PTPRN2: variants seen among roughly 807,000 people sequenced by gnomAD.
PTPRN2 encodes receptor-type tyrosine-protein phosphatase N2.
PTPRN2 carries 74 observed loss-of-function variants against 118.8 expected under a neutral mutation model. The observed-to-expected ratio is 0.62, with a 90% CI of 0.52 to 0.76. The LOEUF is 0.76. Among genes scored for constraint, PTPRN2 ranks in the 30% least tolerant of loss-of-function variants. PTPRN2 has a pLI of 0.00. For missense variants in PTPRN2, 1,481 were observed against 1,394.4 expected (o/e 1.06, Z -0.99); for synonymous variants, 641 against 608.0 (o/e 1.05, Z -0.80).
At chr7:158,361,689 G>A (rs1459492740) in intron 2 of PTPRN2, among the ~76,000 whole-genome samples, 7 of 152,154 alleles carry the variant, frequency 4.6e-5, no homozygotes, top group Non-Finnish European at 8.8e-5. Flanking sequence ...GGGCACTCCC[G>A]GACCCTCCTG....
chr7:157,761,772 C>A (rs1197396074), intron 12 of PTPRN2, among the ~76,000 whole-genome samples: 2 of 149,444 alleles, frequency 1.3e-5, no homozygotes, highest in Admixed American at 6.6e-5. Flanking sequence ...AACTAAAGAG[C>A]TTCTGCACAG....
intron 12 of PTPRN2, among the ~76,000 whole-genome samples, chr7:157,727,690 G>T (rs1799676811): frequency 6.6e-6 from 1 of 152,202 alleles, no homozygotes; most frequent in Non-Finnish European, 1.5e-5. Context: ...TTTCTGTTTT[G>T]TGTCGTTTAC....
At chr7:157,901,579 A>G (rs1051176751) in intron 11 of PTPRN2, among the ~76,000 whole-genome samples, 1 of 152,204 alleles carries the variant, frequency 6.6e-6, no homozygotes, top group South Asian at 2.1e-4. Flanking sequence ...TTATCATTCA[A>G]TGTTTCACAA....
chr7:158,282,488 G>A (rs76785213), intron 3 of PTPRN2, among the ~76,000 whole-genome samples: 3,086 of 152,326 alleles, frequency 0.02, 72 homozygotes, highest in South Asian at 0.095. Context: ...CCAGGAAGCC[G>A]CGGGCAGAGC....
intron 12 of PTPRN2, among the ~76,000 whole-genome samples, chr7:157,704,567 C>T (rs1428327078): frequency 6.6e-6 from 1 of 152,214 alleles, no homozygotes; most frequent in East Asian, 1.9e-4. Context: ...TGCTCCCGCT[C>T]TCCTGGGCAC....
chr7:158,494,379 C>T (rs1821678267), intron 1 of PTPRN2, among the ~76,000 whole-genome samples: 2 of 152,380 alleles, frequency 1.3e-5, no homozygotes, highest in Admixed American at 1.3e-4. Flanking sequence ...CAGAGAAAGG[C>T]TGTCATCAGC....
chr7:158,123,367 TACAGACACCACGGTG>T (rs1817332492), intron 9 of PTPRN2, among the ~76,000 whole-genome samples: 1 of 152,194 alleles, frequency 6.6e-6, no homozygotes, highest in South Asian at 2.1e-4. Flanking sequence ...CACAGTATCC[TACAGACACCACGGTG>T]ACCGACGCCA....
At chr7:158,340,360 A>G (rs1563173847) in intron 2 of PTPRN2, among the ~76,000 whole-genome samples, 2 of 91,244 alleles carry the variant, frequency 2.2e-5, no homozygotes, top group Non-Finnish European at 2.3e-5. Flanking sequence ...GCTGAGGCCC[A>G]CAGAGGTCAC....
At chr7:158,096,416 G>A (rs1241152367) in intron 10 of PTPRN2, among the ~76,000 whole-genome samples, 1 of 152,178 alleles carries the variant, frequency 6.6e-6, no homozygotes, top group African/African-American at 2.4e-5. Flanking sequence ...AGGAAACAAG[G>A]CTCCACCAAT....
At chr7:158,400,779 T>C (rs924402866) in intron 2 of PTPRN2, among the ~76,000 whole-genome samples, 1 of 152,146 alleles carries the variant, frequency 6.6e-6, no homozygotes, top group African/African-American at 2.4e-5. Context: ...GCAGGCATCC[T>C]CTACACAAAC....
chr7:158,559,432 A>G (rs1827236877), intron 1 of PTPRN2, among the ~76,000 whole-genome samples: 1 of 152,180 alleles, frequency 6.6e-6, no homozygotes, highest in Admixed American at 6.5e-5. Context: ...CCAGCCTGGC[A>G]GGACTCCACC....
intron 1 of PTPRN2, among the ~76,000 whole-genome samples, chr7:158,558,387 A>G (rs1563433251): frequency 6.6e-6 from 1 of 152,222 alleles, no homozygotes; most frequent in Non-Finnish European, 1.5e-5. Context: ...GCCTATGGCC[A>G]TGTTCTCTTC....
intron 12 of PTPRN2, among the ~76,000 whole-genome samples, chr7:157,772,065 G>A (rs1419218681): frequency 6.9e-6 from 1 of 145,962 alleles, no homozygotes; most frequent in Non-Finnish European, 1.5e-5. Context: ...AATACACACA[G>A]ATACACACAC....
At chr7:158,459,339 C>T (rs79018016) in intron 2 of PTPRN2, among the ~76,000 whole-genome samples, 56,001 of 99,650 alleles carry the variant, frequency 0.56, 13,745 homozygotes, top group Non-Finnish European at 0.58. Context: ...CCGCCTGGGA[C>T]GAACAGGCTC....
At chr7:158,511,107 A>G (rs1307357283) in intron 1 of PTPRN2, among the ~76,000 whole-genome samples, 1 of 152,208 alleles carries the variant, frequency 6.6e-6, no homozygotes, top group Non-Finnish European at 1.5e-5. Flanking sequence ...ATGCCAGATG[A>G]AATTTTCTGG....
chr7:158,530,939 C>CGT (rs746600684), intron 1 of PTPRN2, among the ~76,000 whole-genome samples: 19 of 152,114 alleles, frequency 1.2e-4, no homozygotes, highest in Admixed American at 3.3e-4. Flanking sequence ...AAAACATACA[C>CGT]GTGTGTGTGT....
intron 3 of PTPRN2, among the ~76,000 whole-genome samples, chr7:158,244,097 A>G (rs1796049214): frequency 6.6e-6 from 1 of 151,940 alleles, no homozygotes; most frequent in African/African-American, 2.4e-5. Context: ...CATTTTCCCC[A>G]CTGACCACCA....
At chr7:158,227,865 G>C (rs895119653) in intron 3 of PTPRN2, among the ~76,000 whole-genome samples, 1 of 152,216 alleles carries the variant, frequency 6.6e-6, no homozygotes, top group Non-Finnish European at 1.5e-5. Flanking sequence ...CCATTCCTGG[G>C]CTGCTCAACT....
chr7:158,075,054 G>T (rs563383583), intron 11 of PTPRN2, among the ~76,000 whole-genome samples: 8 of 152,138 alleles, frequency 5.3e-5, no homozygotes, highest in Non-Finnish European at 1.2e-4. Flanking sequence ...CTGCGCTCAG[G>T]GTAAAGCCAT....
Sources: gnomAD v4.1 joint callset for allele counts (sites outside exome capture counted in the v4.1 genomes callset) on GRCh38, gnomAD v4.1.1 for gene constraint, MANE v1.5 for transcripts, NCBI Gene and HGNC (gene_info 2026-07-23, HGNC 2026-07-21) for gene names.